PHACTR2: variants seen among roughly 807,000 people sequenced by gnomAD.
PHACTR2 encodes the protein chromosome 6 open reading frame 56.
A neutral mutation model predicts 76.0 loss-of-function variants in PHACTR2; 30 were observed. The observed-to-expected ratio is 0.39, with a 90% CI of 0.30 to 0.54. PHACTR2 has a LOEUF of 0.54. Ranked by LOEUF, PHACTR2 falls within the 20% of genes least tolerant of loss-of-function variation. The pLI is 0.61. For missense variants in PHACTR2, 696 were observed against 781.1 expected (o/e 0.89, Z 1.30); for synonymous variants, 292 against 292.5 (o/e 1.00, Z 0.02).
At chr6:143,729,092 T>C (rs914825535) in intron 2 of PHACTR2, among the ~76,000 whole-genome samples, 1 of 152,200 alleles carries the variant, frequency 6.6e-6, no homozygotes, top group African/African-American at 2.4e-5. Flanking sequence ...AAAATATTCA[T>C]CCAACAATGA....
intron 1 of PHACTR2, among the ~76,000 whole-genome samples, chr6:143,705,247 T>C (rs1382904688): frequency 2.0e-5 from 3 of 151,648 alleles, no homozygotes; most frequent in African/African-American, 4.9e-5. Flanking sequence ...GCCTCCCAAG[T>C]AGCTGAGATT....
chr6:143,753,953 A>C lies in PHACTR2; in HGVS notation c.454+41A>C. 2.1e-6 allele frequency: 3 copies of C among 1,439,030 alleles called. No individual in the cohort carries two copies. The highest frequency in any genetic ancestry group is 2.8e-6 in the Non-Finnish European group (3 of 1,062,984). The allele number at this position is 1,439,030 out of a possible 1,614,324, so 89.1% of individuals were successfully genotyped here. On this transcript the variant is annotated intron_variant, in intron 4 of 12. Transcript: ENST00000440869. The surrounding 1 kb of genome is among the most constrained non-coding windows in gnomAD (Gnocchi z 4.6). ...ACCCATATTATTTACTTTAGTATAT[A>C]GCTCAATGTCTAGAACCAGCACTTA...
rs145551164 is a variant in PHACTR2, at chr6:143,595,748, A to C, written c.217+58541A>C. Among the ~76,000 whole-genome samples, 2 of 152,338 alleles carry C rather than the reference A, an allele frequency of 1.3e-5. No homozygotes were observed. Among genetic ancestry groups the C allele is most frequent in the East Asian group, 3.9e-4 (2 of 5,190 alleles). On this transcript the variant is annotated intron_variant, in intron 1 of 11. Transcript: ENST00000367584. The surrounding 1 kb of genome is among the most constrained non-coding windows in gnomAD (Gnocchi z 4.2). ...TGTTGTTGTTTTTAAAGAGAGAAAA[A>C]AGTGCTGTTAGAATAAAAATAAAGA...
rs1222960891 is a variant in PHACTR2 at position 143,553,466 on chromosome 6, T to C, written c.217+16259T>C. On this transcript the variant is annotated intron_variant, in intron 1 of 11. Coordinates refer to the PHACTR2 transcript ENST00000367584. The surrounding 1 kb of genome is among the most constrained non-coding windows in gnomAD (Gnocchi z 4.2). ...TGTAAACCCAGCTGGGTTTGTTAAC[T>C]GGTGCTTATGGAAGTCAGGCTCCCA... 2.6e-5 allele frequency among the ~76,000 whole-genome samples: 4 copies of C among 152,136 alleles called. No individual in the cohort carries two copies. Among genetic ancestry groups the C allele is most frequent in the African/African-American group, 4.8e-5 (2 of 41,416 alleles).
chr6:143,580,268 G>A lies in PHACTR2; in HGVS notation c.217+43061G>A, dbSNP rs1582682867. Reference sequence around the variant, plus strand: ...TGGGAGGCCAAGGCAGGCAGATCACGAGGTCAGGAAATCGAGACCATCTTG... The same window carrying A: ...TGGGAGGCCAAGGCAGGCAGATCACAAGGTCAGGAAATCGAGACCATCTTG... On this transcript the variant is annotated intron_variant, in intron 1 of 11. Coordinates refer to the PHACTR2 transcript ENST00000367584. This position sits in a 1 kb window ranked among gnomAD's most constrained non-coding sequence, Gnocchi z 4.2. Among the ~76,000 whole-genome samples, 1 of 152,106 alleles carries A rather than the reference G, an allele frequency of 6.6e-6. No individual in the cohort carries two copies. The highest frequency in any genetic ancestry group is 6.5e-5 in the Admixed American group (1 of 15,270).
chr6:143,572,008 T>G (rs1425073121), intron 1 of PHACTR2, among the ~76,000 whole-genome samples: 1 of 152,198 alleles, frequency 6.6e-6, no homozygotes, highest in Non-Finnish European at 1.5e-5. Flanking sequence ...ATGAGGAGCA[T>G]AGCCTATTTT....
rs965810948 is a variant in PHACTR2 at position 143,696,596 on chromosome 6, G to A, written c.47-15420G>A. Among the ~76,000 whole-genome samples the A allele has an allele frequency of 2.6e-5, 4 of 152,180 alleles. No homozygotes were observed. The South Asian group carries it at 8.3e-4, about 31-fold the overall frequency. Reference sequence around the variant, plus strand: ...AGACCTAAGGTTACCAGCTAGGATGGGGAGGAACAGATTATTACATTCAGA... The same window carrying A: ...AGACCTAAGGTTACCAGCTAGGATGAGGAGGAACAGATTATTACATTCAGA... On this transcript the variant is annotated intron_variant, in intron 1 of 12. Coordinates refer to ENST00000440869, the MANE Select transcript of PHACTR2 (RefSeq NM_001100164.2). This position sits in a 1 kb window ranked among gnomAD's most constrained non-coding sequence, Gnocchi z 4.1.
In PHACTR2 at chr6:143,722,453, G is replaced by A. The variant is rs769356897; in HGVS notation, c.214+10270G>A. Among the ~76,000 whole-genome samples, 3 of 151,754 alleles carry A rather than the reference G, an allele frequency of 2.0e-5. No individual in the cohort carries two copies. Among genetic ancestry groups the A allele is most frequent in the Non-Finnish European group, 4.4e-5 (3 of 67,958 alleles). On this transcript the variant is annotated intron_variant, in intron 2 of 12. Coordinates refer to ENST00000440869, the MANE Select transcript of PHACTR2 (RefSeq NM_001100164.2). The surrounding 1 kb of genome is among the most constrained non-coding windows in gnomAD (Gnocchi z 4.1). ...GGCCAATTTGGTGAGCATCTTCTTGGCATGTCATTTTTTTCTTAAATTTTT... is the reference window on the plus strand; with the variant it reads ...GGCCAATTTGGTGAGCATCTTCTTGACATGTCATTTTTTTCTTAAATTTTT...
At chr6:143,609,578 A>T (rs1775945306) in intron 1 of PHACTR2, among the ~76,000 whole-genome samples, 1 of 152,210 alleles carries the variant, frequency 6.6e-6, no homozygotes, top group Admixed American at 6.5e-5. Context: ...TAGGTATGGT[A>T]TTCCATGACA....
In PHACTR2 at chr6:143,680,360, T is replaced by G. The variant is rs1038999152; in HGVS notation, c.46+2151T>G. ...GTTGTTTAAGTCTGGAGCAGCTGCT[T>G]AGGATTACAGTATTAAAGATGATTC... On this transcript the variant is annotated intron_variant, in intron 1 of 12. Transcript: ENST00000440869. The surrounding 1 kb of genome is among the most constrained non-coding windows in gnomAD (Gnocchi z 4.5). Among the ~76,000 whole-genome samples the G allele has an allele frequency of 5.9e-5, 9 of 152,114 alleles. No homozygotes were observed. Among genetic ancestry groups the G allele is most frequent in the Non-Finnish European group, 1.2e-4 (8 of 67,986 alleles).
chr6:143,630,395 A>G (rs1776343319), intron 1 of PHACTR2, among the ~76,000 whole-genome samples: 1 of 151,912 alleles, frequency 6.6e-6, no homozygotes, highest in African/African-American at 2.4e-5. Context: ...ATACAATTGT[A>G]GAATCTCTAT....
In PHACTR2 at chr6:143,646,894, G is replaced by T. The variant is rs940942446; in HGVS notation, c.13+38572G>T. Among the ~76,000 whole-genome samples the T allele has an allele frequency of 6.6e-6, 1 of 152,146 alleles. No individual in the cohort carries two copies. The highest frequency in any genetic ancestry group is 2.4e-5 in the African/African-American group (1 of 41,424). Reference sequence around the variant, plus strand: ...TTTCTCATCCTTAGTTATGTTTGTTGTTCTAACATAACAGTCTTCTGATCA... The same window carrying T: ...TTTCTCATCCTTAGTTATGTTTGTTTTTCTAACATAACAGTCTTCTGATCA... On this transcript the variant is annotated intron_variant, in intron 1 of 11. Coordinates refer to the PHACTR2 transcript ENST00000305766. This position sits in a 1 kb window ranked among gnomAD's most constrained non-coding sequence, Gnocchi z 4.1.
intron 12 of PHACTR2, among the ~76,000 whole-genome samples, chr6:143,814,990 C>T (rs1029936352): frequency 1.3e-5 from 2 of 152,154 alleles, no homozygotes; most frequent in African/African-American, 4.8e-5. Flanking sequence ...AAGTAAACCA[C>T]TCTTTTCAGC....
chr6:143,711,249 A>G (rs1412931241), intron 1 of PHACTR2, among the ~76,000 whole-genome samples: 1 of 152,196 alleles, frequency 6.6e-6, no homozygotes, highest in East Asian at 1.9e-4. Context: ...GAATAATATT[A>G]TAGTTCATCC....
rs1775592209 is a variant in PHACTR2 at position 143,787,963 on chromosome 6, G to A, written c.1708-810G>A. Among the ~76,000 whole-genome samples, 1 of 152,198 alleles carries A rather than the reference G, an allele frequency of 6.6e-6. No individual in the cohort carries two copies. The highest frequency in any genetic ancestry group is 2.1e-4 in the South Asian group (1 of 4,830). On this transcript the variant is annotated intron_variant, in intron 10 of 12. Coordinates refer to ENST00000440869, the MANE Select transcript of PHACTR2 (RefSeq NM_001100164.2). The surrounding 1 kb of genome is among the most constrained non-coding windows in gnomAD (Gnocchi z 4.6). ...TGGGAGTGAACCTCCGTAGCAGAGA[G>A]TAGATAATGCCTGTTTACCAAGGGG...
upstream of PHACTR2, among the ~76,000 whole-genome samples, chr6:143,675,046 C>T (rs1054962295): frequency 7.9e-5 from 12 of 152,174 alleles, no homozygotes; most frequent in South Asian, 2.1e-4. The surrounding 1 kb of genome is among the most constrained non-coding windows in gnomAD (Gnocchi z 4.9). Flanking sequence ...GAGTCTAAGA[C>T]TTCCCACATC....
intron 1 of PHACTR2, among the ~76,000 whole-genome samples, chr6:143,569,322 G>A (rs773877000): frequency 2.3e-4 from 35 of 152,162 alleles, no homozygotes; most frequent in African/African-American, 3.4e-4. Context: ...TGGTGGAGCC[G>A]CCATTGGCCT....
chr6:143,558,579 G>T lies in PHACTR2; in HGVS notation c.217+21372G>T, dbSNP rs1408830630. ...GGCTACATGGTGGGGAGACCAGAAAGCTCACTATTTCACTTATTCCTGTCT... is the reference window on the plus strand; with the variant it reads ...GGCTACATGGTGGGGAGACCAGAAATCTCACTATTTCACTTATTCCTGTCT... On this transcript the variant is annotated intron_variant, in intron 1 of 11. Coordinates refer to the PHACTR2 transcript ENST00000367584. This position sits in a 1 kb window ranked among gnomAD's most constrained non-coding sequence, Gnocchi z 4.7. 1.3e-5 allele frequency among the ~76,000 whole-genome samples: 2 copies of T among 152,168 alleles called. No individual in the cohort carries two copies. Among genetic ancestry groups the T allele is most frequent in the Non-Finnish European group, 2.9e-5 (2 of 68,024 alleles).
At position 143,617,127 on chromosome 6, in the gene PHACTR2, T is replaced by C. The variant is rs1456127353; in HGVS notation, c.13+8805T>C. ...GAATGAAATCCACTTAGAAGGCTCT[T>C]GATGGAGGTGGTGGCAGTGGGGAAG... On this transcript the variant is annotated intron_variant, in intron 1 of 11. Coordinates refer to the PHACTR2 transcript ENST00000305766. This position sits in a 1 kb window ranked among gnomAD's most constrained non-coding sequence, Gnocchi z 4.8. Among the ~76,000 whole-genome samples the C allele has an allele frequency of 1.3e-5, 2 of 152,174 alleles. No homozygotes were observed. Among genetic ancestry groups the C allele is most frequent in the East Asian group, 3.8e-4 (2 of 5,196 alleles).
Sources: gnomAD v4.1 joint callset for allele counts (sites outside exome capture counted in the v4.1 genomes callset) on GRCh38, gnomAD v4.1.1 for gene constraint, Gnocchi (gnomAD v3.1) non-coding constraint, MANE v1.5 for transcripts, NCBI Gene and HGNC (gene_info 2026-07-23, HGNC 2026-07-21) for gene names.